TRIM37: variants seen among roughly 807,000 people sequenced by gnomAD.
TRIM37 encodes the protein E3 ubiquitin-protein ligase TRIM37.
A neutral mutation model predicts 129.8 loss-of-function variants in TRIM37; 80 were observed. The observed-to-expected ratio is 0.62, with a 90% CI of 0.51 to 0.74. TRIM37 has a LOEUF of 0.74. Among genes scored for constraint, TRIM37 ranks in the 30% least tolerant of loss-of-function variants. The pLI, the probability that TRIM37 is intolerant of heterozygous loss-of-function variation, is 0.00. For synonymous variants in TRIM37, 389 were observed against 387.1 expected, an observed-to-expected ratio of 1.00 and a Z score of -0.06; for missense variants, 1,054 against 1,176.5, an observed-to-expected ratio of 0.90 and a Z score of 1.52.
At chr17:59,061,914 C>T (rs984462654) in intron 11 of TRIM37, among the ~76,000 whole-genome samples, 10 of 151,580 alleles carry the variant, frequency 6.6e-5, no homozygotes, top group African/African-American at 1.9e-4. Context: ...TTTTGAGGTT[C>T]GACATGATAA....
At chr17:58,995,292 ATCTT>A (rs369916747), downstream of TRIM37, among the ~76,000 whole-genome samples, 193 of 152,162 alleles carry the variant, frequency 1.3e-3, 2 homozygotes, top group Middle Eastern at 0.017. Flanking sequence ...TGGCATCCAA[ATCTT>A]TGTTTCTAGA....
chr17:59,077,429 T>G (rs552879022), intron 7 of TRIM37, among the ~76,000 whole-genome samples: 1 of 152,268 alleles, frequency 6.6e-6, no homozygotes, highest in South Asian at 2.1e-4. Context: ...AATCTAATAT[T>G]ATCAGACATA....
At chr17:59,043,840 A>G (rs779432412) in intron 16 of TRIM37, among the ~76,000 whole-genome samples, 1 of 152,212 alleles carries the variant, frequency 6.6e-6, no homozygotes, top group Non-Finnish European at 1.5e-5. Context: ...CCTTACTCCA[A>G]CTTCAAAGCT....
intron 4 of TRIM37, among the ~76,000 whole-genome samples, chr17:59,087,780 G>C (rs1269165811): frequency 1.3e-5 from 2 of 152,016 alleles, no homozygotes; most frequent in African/African-American, 4.8e-5. Context: ...TATTATTGCT[G>C]GACAGTGAAG....
At position 59,003,614 on chromosome 17, in the gene TRIM37, T is replaced by G. The variant is rs1180552971; in HGVS notation, c.2696-1900A>C. Among the ~76,000 whole-genome samples the G allele has an allele frequency of 1.4e-5, 2 of 141,006 alleles. 1 individual carries two copies. The highest frequency in any genetic ancestry group is 4.4e-4 in the South Asian group (2 of 4,548). The allele number at this position is 141,006 out of a possible 152,430, so 92.5% of individuals were successfully genotyped here. A position where few individuals can be genotyped will look rare whatever the true frequency, so the allele number is the denominator to read the frequency against. ...GACTGAATTTGAATGACAGCAAAAC[T>G]GGCAGATTAAAACAAGACCCAGAGT... On this transcript the variant is annotated intron_variant, in intron 22 of 23. Transcript: ENST00000262294.
chr17:59,011,530 T>C (rs1357831160), intron 22 of TRIM37, among the ~76,000 whole-genome samples: 1 of 152,082 alleles, frequency 6.6e-6, no homozygotes, highest in Non-Finnish European at 1.5e-5. Flanking sequence ...CACTAAGAAA[T>C]GAAAAAATTA....
At chr17:59,059,954 C>G (rs1211993851) in intron 12 of TRIM37, among the ~76,000 whole-genome samples, 1 of 152,190 alleles carries the variant, frequency 6.6e-6, no homozygotes, top group Non-Finnish European at 1.5e-5. Flanking sequence ...ACTATTCCCT[C>G]TAATCCTGTC....
At chr17:58,980,432 C>T (rs917406014), downstream of TRIM37, 57 of 1,613,928 alleles carry the variant, frequency 3.5e-5, no homozygotes, top group Non-Finnish European at 4.7e-5. This position sits in a 1 kb window ranked among gnomAD's most constrained non-coding sequence, Gnocchi z 4.7. Flanking sequence ...TAGCCTGAGC[C>T]CAGGGTCCCA....
intron 13 of TRIM37, among the ~76,000 whole-genome samples, chr17:59,055,019 C>T (rs558227235): frequency 3.3e-4 from 50 of 151,948 alleles, no homozygotes; most frequent in Middle Eastern, 3.4e-3. Context: ...CTTGTAAATA[C>T]TACACCAACA....
intron 24 of TRIM37, among the ~76,000 whole-genome samples, chr17:58,986,657 C>T (rs980968897): frequency 2.4e-4 from 37 of 152,004 alleles, no homozygotes; most frequent in African/African-American, 8.2e-4. Flanking sequence ...GGATTACAGG[C>T]GTCGGCCACC....
chr17:59,060,789 G>A (rs937063713), intron 12 of TRIM37, among the ~76,000 whole-genome samples: 1 of 152,136 alleles, frequency 6.6e-6, no homozygotes, highest in African/African-American at 2.4e-5. Context: ...GCAGACATGA[G>A]AATCCAGTAG....
chr17:59,051,385 C>A, intron 13 of TRIM37, 57 bp from the exon 14 acceptor site: 1 of 1,248,588 alleles, frequency 8.0e-7, no homozygotes, highest in South Asian at 1.2e-5. Flanking sequence ...CATTATCAGT[C>A]TAGCACTGAA....
intron 16 of TRIM37, among the ~76,000 whole-genome samples, chr17:59,044,991 C>T (rs548396571): frequency 6.6e-6 from 1 of 151,944 alleles, no homozygotes; most frequent in African/African-American, 2.4e-5. Context: ...ATAATCATGC[C>T]ACCATACTCC....
chr17:58,984,645 T>A (rs1267621193), intron 24 of TRIM37: 3 of 152,630 alleles, frequency 2.0e-5, no homozygotes, highest in African/African-American at 7.2e-5. Context: ...TCTTCTATTC[T>A]GATCTGCAAA....
At position 59,041,899 on chromosome 17, in the gene TRIM37, C is replaced by G; in HGVS notation, c.1668-1G>C. 2 of 1,607,468 alleles carry G rather than the reference C, an allele frequency of 1.2e-6. No homozygotes were observed. The highest frequency in any genetic ancestry group is 1.7e-6 in the Non-Finnish European group (2 of 1,174,338). On this transcript the variant is annotated splice_acceptor_variant, in intron 16 of 23. Coordinates refer to ENST00000262294, the MANE Select transcript of TRIM37 (RefSeq NM_015294.6). LOFTEE classifies it high-confidence loss of function. ...ATATTCCACATCATTTTCTCCAGAC[C>G]TAAGAATATACAAAATCCATCATTT...
chr17:59,046,730 C>T (rs1743707833), intron 16 of TRIM37, among the ~76,000 whole-genome samples: 1 of 150,894 alleles, frequency 6.6e-6, no homozygotes, highest in African/African-American at 2.4e-5. Flanking sequence ...TTAGTAGAGA[C>T]GGGGTTTCAC....
chr17:58,980,846 G>C (rs2031315140), downstream of TRIM37: 1 of 1,614,030 alleles, frequency 6.2e-7, no homozygotes, highest in African/African-American at 1.3e-5. This position sits in a 1 kb window ranked among gnomAD's most constrained non-coding sequence, Gnocchi z 4.7. Flanking sequence ...CTCTGCTCAA[G>C]AGCCTTCCCA....
At chr17:58,969,737 T>C in the TRIM37 span, 2 of 1,613,198 alleles carry the variant, frequency 1.2e-6, no homozygotes, top group African/African-American at 2.7e-5. Context: ...GGTATGCCCC[T>C]TTCTCATAAG....
chr17:59,060,009 C>T (rs2041334304), intron 12 of TRIM37, among the ~76,000 whole-genome samples: 1 of 152,170 alleles, frequency 6.6e-6, no homozygotes, highest in African/African-American at 2.4e-5. Flanking sequence ...CAGACATATG[C>T]CCTGATAAGT....
Sources: allele counts gnomAD v4.1 joint callset (sites outside exome capture counted in the v4.1 genomes callset), GRCh38; gene constraint gnomAD v4.1.1; non-coding constraint Gnocchi (gnomAD v3.1); transcripts MANE v1.5; gene names NCBI Gene and HGNC (gene_info 2026-07-23, HGNC 2026-07-21).